The following HCRTR2 variants were observed in gnomAD, a reference collection of about 807,000 sequenced individuals.
HCRTR2 encodes the protein orexin receptor type 2.
In HCRTR2, 22 loss-of-function variants were observed where a neutral mutation model predicts 49.0. The ratio of observed to expected loss-of-function variants is 0.45; its 90% CI spans 0.32 to 0.64. The LOEUF is 0.64. Among genes scored for constraint, HCRTR2 ranks in the 30% least tolerant of loss-of-function variants. The probability of loss-of-function intolerance (pLI) is 0.04; values close to 1 mark genes in which losing one functional copy is unlikely to be tolerated. For missense variants in HCRTR2, 491 were observed against 559.4 expected, an observed-to-expected ratio of 0.88 and a Z score of 1.23; for synonymous variants, 236 against 205.3, an observed-to-expected ratio of 1.15 and a Z score of -1.28.
At chr6:55,195,607 G>A (rs1006693479) in intron 1 of HCRTR2, among the ~76,000 whole-genome samples, 1 of 152,160 alleles carries the variant, frequency 6.6e-6, no homozygotes. Context: ...ACAAAGAAAT[G>A]ATAAATTCTT....
intron 1 of HCRTR2, among the ~76,000 whole-genome samples, chr6:55,225,054 T>C (rs189620646): frequency 6.6e-6 from 1 of 152,180 alleles, no homozygotes; most frequent in Admixed American, 6.5e-5. Flanking sequence ...ATTTTTTAAT[T>C]AGCTCCCTTT....
intron 1 of HCRTR2, among the ~76,000 whole-genome samples, chr6:55,210,264 G>A (rs1213497924): frequency 6.6e-6 from 1 of 152,050 alleles, no homozygotes; most frequent in East Asian, 1.9e-4. Context: ...TAGTAGTACA[G>A]TCATTAGGAT....
At chr6:55,249,188 A>G (rs1224226047) in intron 2 of HCRTR2, among the ~76,000 whole-genome samples, 3 of 152,152 alleles carry the variant, frequency 2.0e-5, no homozygotes, top group African/African-American at 7.2e-5. Context: ...ACTTGAACCA[A>G]TTAATGATTT....
intron 4 of HCRTR2, among the ~76,000 whole-genome samples, chr6:55,268,101 A>T (rs1051123919): frequency 5.3e-5 from 8 of 152,188 alleles, no homozygotes; most frequent in Admixed American, 4.6e-4. Context: ...GTTTTATACT[A>T]TTGAAATTAC....
chr6:55,210,883 A>G (rs1457771998), intron 1 of HCRTR2, among the ~76,000 whole-genome samples: 4 of 152,136 alleles, frequency 2.6e-5, no homozygotes, highest in South Asian at 2.1e-4. Context: ...CATTGTTTTT[A>G]CTTCCTAAGA....
chr6:55,192,587 T>C (rs1414762618), intron 1 of HCRTR2, among the ~76,000 whole-genome samples: 1 of 152,202 alleles, frequency 6.6e-6, no homozygotes, highest in Non-Finnish European at 1.5e-5. Flanking sequence ...AAAGTCATTA[T>C]CTTCAACACT....
At position 55,185,229 on chromosome 6, in the gene HCRTR2, A is replaced by C. The variant is rs1435889153; in HGVS notation, c.223+10419A>C. 2.6e-5 allele frequency among the ~76,000 whole-genome samples: 4 copies of C among 152,216 alleles called. No individual in the cohort carries two copies. In the East Asian group the frequency reaches 7.7e-4, roughly 29 times the overall value. On this transcript the variant is annotated intron_variant, in intron 1 of 6. Coordinates refer to ENST00000370862, the MANE Select transcript of HCRTR2 (RefSeq NM_001384272.1). The stretch of plus-strand genomic sequence containing the variant: ...CAAATCTTACCAGCTGGTTCAGGAA[A>C]ATAACTTCATAATTATTGAGACATT...
At chr6:55,267,139 T>C (rs941256566) in intron 4 of HCRTR2, among the ~76,000 whole-genome samples, 9 of 152,124 alleles carry the variant, frequency 5.9e-5, no homozygotes, top group African/African-American at 2.2e-4. Context: ...ACTCTCAATT[T>C]CCAACTGTTA....
At position 55,263,741 on chromosome 6, in the gene HCRTR2, C is replaced by A; in HGVS notation, c.681C>A (p.Phe227Leu). Reference protein sequence around the residue: ...EIYPKMYHICFFLVTYMAPLC... With the variant: ...EIYPKMYHICLFLVTYMAPLC... ...ATCCCAAGATGTACCACATCTGTTT[C>A]TTTCTGGTGACATACATGGCACCAC... is the stretch of plus-strand genomic sequence containing the variant. Residue 227 changes from phenylalanine (F) to leucine (L), a missense_variant, in exon 4 of 7, where the codon TTC (phenylalanine) becomes TTA (leucine). Coordinates refer to ENST00000370862, the MANE Select transcript of HCRTR2 (RefSeq NM_001384272.1). 1 of 1,612,240 alleles carries A rather than the reference C, an allele frequency of 6.2e-7. No individual in the cohort carries two copies. Among genetic ancestry groups the A allele is most frequent in the Non-Finnish European group, 8.5e-7 (1 of 1,178,800 alleles).
intron 1 of HCRTR2, among the ~76,000 whole-genome samples, chr6:55,190,350 T>A (rs563525969): frequency 6.6e-6 from 1 of 152,166 alleles, no homozygotes; most frequent in Non-Finnish European, 1.5e-5. Context: ...CACACTTTCA[T>A]GCCAGGTAGG....
At chr6:55,134,986 T>C (rs1253711482) in intron 1 of HCRTR2, among the ~76,000 whole-genome samples, 2 of 152,012 alleles carry the variant, frequency 1.3e-5, no homozygotes, top group African/African-American at 2.4e-5. Context: ...TCTATATCCT[T>C]GGAAGGAAAA....
intron 1 of HCRTR2, among the ~76,000 whole-genome samples, chr6:55,216,854 C>T (rs760747622): frequency 1.3e-5 from 2 of 152,178 alleles, no homozygotes; most frequent in Non-Finnish European, 2.9e-5. Context: ...GGGCTCTCAG[C>T]CATGGCTCTG....
intron 1 of HCRTR2, among the ~76,000 whole-genome samples, chr6:55,167,229 G>T (rs534942646): frequency 6.6e-6 from 1 of 152,216 alleles, no homozygotes; most frequent in African/African-American, 2.4e-5. Context: ...AGGTGGGATC[G>T]CTTCCACAGT....
intron 4 of HCRTR2, among the ~76,000 whole-genome samples, chr6:55,264,523 G>A (rs962413109): frequency 6.6e-6 from 1 of 151,742 alleles, no homozygotes; most frequent in Non-Finnish European, 1.5e-5. Flanking sequence ...CTAGAGGAGG[G>A]GCATCATCAG....
intron 1 of HCRTR2, among the ~76,000 whole-genome samples, chr6:55,108,052 T>A (rs1289664468): frequency 6.6e-6 from 1 of 152,148 alleles, no homozygotes; most frequent in Non-Finnish European, 1.5e-5. Context: ...TTTATTATTA[T>A]CAATAAATTC....
At chr6:55,163,888 G>A (rs1434449869) in intron 1 of HCRTR2, among the ~76,000 whole-genome samples, 1 of 151,952 alleles carries the variant, frequency 6.6e-6, no homozygotes, top group Non-Finnish European at 1.5e-5. Context: ...TCTGATAAAG[G>A]GCTAATATCC....
At chr6:55,171,821 G>C (rs1340579949), upstream of HCRTR2, among the ~76,000 whole-genome samples, 1 of 152,206 alleles carries the variant, frequency 6.6e-6, no homozygotes, top group Non-Finnish European at 1.5e-5. Context: ...CTGAAGTATA[G>C]ACAAGTTGAA....
At chr6:55,204,997 A>G (rs550871441) in intron 1 of HCRTR2, among the ~76,000 whole-genome samples, 1 of 152,158 alleles carries the variant, frequency 6.6e-6, no homozygotes, top group East Asian at 1.9e-4. Context: ...AGGTCTCGCT[A>G]TGTTGCCTGA....
At chr6:55,200,097 A>G (rs897336734) in intron 1 of HCRTR2, among the ~76,000 whole-genome samples, 2 of 152,214 alleles carry the variant, frequency 1.3e-5, no homozygotes, top group Non-Finnish European at 2.9e-5. Flanking sequence ...TTGTAATAAC[A>G]AGATTAAAAT....
Sources: allele counts gnomAD v4.1 joint callset (sites outside exome capture counted in the v4.1 genomes callset), GRCh38; gene constraint gnomAD v4.1.1; transcripts MANE v1.5; gene names NCBI Gene and HGNC (gene_info 2026-07-23, HGNC 2026-07-21).